The following LAMA1 variants were observed in gnomAD, a reference collection of about 807,000 sequenced individuals.
The protein encoded by LAMA1 is laminin subunit alpha-1.
A neutral mutation model predicts 348.7 loss-of-function variants in LAMA1; 219 were observed. The ratio of observed to expected loss-of-function variants is 0.63; its 90% CI spans 0.56 to 0.70. LAMA1 has a LOEUF of 0.70. Ranked by LOEUF, LAMA1 falls within the 30% of genes least tolerant of loss-of-function variation. The pLI is 0.00. For missense variants in LAMA1, 3,744 were observed against 3,888.0 expected, an observed-to-expected ratio of 0.96 and a Z score of 0.99; for synonymous variants, 1,487 against 1,491.0, an observed-to-expected ratio of 1.00 and a Z score of 0.06.
chr18:7,036,749 T>C lies in LAMA1; in HGVS notation c.1738-661A>G, dbSNP rs148381016. ...ATAATTTTCAAAAATAAATACTCCT[T>C]AAAAATATACAAAACAAGTTTTAAA... On this transcript the variant is annotated intron_variant, in intron 12 of 62. Transcript: ENST00000389658. Among the ~76,000 whole-genome samples, 3 of 152,254 alleles carry C rather than the reference T, an allele frequency of 2.0e-5. No individual in the cohort carries two copies. The East Asian group carries it at 5.8e-4, about 29-fold the overall frequency.
intron 22 of LAMA1, among the ~76,000 whole-genome samples, chr18:7,014,423 C>T (rs908933304): frequency 1.4e-4 from 21 of 152,214 alleles, no homozygotes; most frequent in African/African-American, 4.8e-4. Context: ...GAGTTTGAGA[C>T]CAGCCTGGAC....
At chr18:7,027,559 G>A (rs1274653413) in intron 16 of LAMA1, among the ~76,000 whole-genome samples, 2 of 142,356 alleles carry the variant, frequency 1.4e-5, no homozygotes, top group African/African-American at 5.8e-5. Flanking sequence ...AAAAAAAAGC[G>A]ATCCACAATC....
chr18:6,950,594 C>T (rs530749716), intron 58 of LAMA1, among the ~76,000 whole-genome samples, 188 bp downstream of exon 58: 1 of 152,300 alleles, frequency 6.6e-6, no homozygotes, highest in East Asian at 1.9e-4. Context: ...CTAAGCAAGG[C>T]CCTGGGGATA....
In LAMA1 at chr18:6,950,941, G is replaced by A. The variant is rs150815120; in HGVS notation, c.8238C>T (p.Phe2746=). ...TGTAGTAAATCAGGCCGCTGGAGGCGAACGTGCGGATGCTTAGCTCAACCG... is the reference window on the plus strand; with the variant it reads ...TGTAGTAAATCAGGCCGCTGGAGGCAAACGTGCGGATGCTTAGCTCAACCG... ...KLSVELSIRT[F]ASSGLIYYMA... is the part of the protein sequence containing the mutation. Residue 2746 remains phenylalanine, a synonymous_variant, in exon 58 of 63, where the codon TTC becomes TTT. Coordinates refer to ENST00000389658, the MANE Select transcript of LAMA1 (RefSeq NM_005559.4). 2.5e-5 allele frequency: 41 copies of A among 1,613,944 alleles called. No homozygotes were observed. Among genetic ancestry groups the A allele is most frequent in the African/African-American group, 2.1e-4 (16 of 74,932 alleles).
chr18:6,962,945 C>A (rs2057615062), intron 51 of LAMA1, among the ~76,000 whole-genome samples: 1 of 152,148 alleles, frequency 6.6e-6, no homozygotes, highest in African/African-American at 2.4e-5. Flanking sequence ...ATAATGTAGT[C>A]CAGCTCTAAT....
intron 1 of LAMA1, among the ~76,000 whole-genome samples, chr18:7,102,577 CGAT>C (rs1229139262): frequency 6.6e-6 from 1 of 152,166 alleles, no homozygotes; most frequent in Non-Finnish European, 1.5e-5. Context: ...TTTCTGTTGA[CGAT>C]GATACTATCC....
In LAMA1 at chr18:6,959,473, A is replaced by G. The variant is rs2057597269; in HGVS notation, c.7646T>C (p.Leu2549Pro). 1 of 1,614,092 alleles carries G rather than the reference A, an allele frequency of 6.2e-7. No individual in the cohort carries two copies. The highest frequency in any genetic ancestry group is 1.1e-5 in the South Asian group (1 of 91,088). Residue 2549 changes from leucine (L) to proline (P), a missense_variant, in exon 54 of 63, where the codon CTG becomes CCG. Around this residue, in one of 3 missense-constraint regions of LAMA1, gnomAD observed 1,983 missense variants for 1,934.3 expected, o/e 1.03. Transcript: ENST00000389658. ...EAHVPFFSVMLIGGNIEVHVN... is the reference protein window; with the variant it reads ...EAHVPFFSVMPIGGNIEVHVN... Reference sequence around the variant, plus strand: ...ATGTACCTCAATGTTGCCTCCGATCAGCATGACGGAAAAGAAGGGCTGGGG... The same window carrying G: ...ATGTACCTCAATGTTGCCTCCGATCGGCATGACGGAAAAGAAGGGCTGGGG...
intron 1 of LAMA1, among the ~76,000 whole-genome samples, chr18:7,100,058 C>CAAAAAAAAAAAAAAAA (rs3038921): frequency 3.8e-5 from 3 of 79,704 alleles, no homozygotes; most frequent in Admixed American, 1.5e-4. Flanking sequence ...GACTTTGTCT[C>CAAAAAAAAAAAAAAAA]AAAAAAAAAA....
At chr18:7,075,024 G>C (rs996407713) in intron 3 of LAMA1, among the ~76,000 whole-genome samples, 1 of 127,942 alleles carries the variant, frequency 7.8e-6, no homozygotes, top group Non-Finnish European at 1.6e-5. Flanking sequence ...TCTGACAGCT[G>C]TCATCAATTA....
rs1321068585 is a variant in LAMA1 at position 7,103,136 on chromosome 18, G to A, written c.61+14524C>T. Among the ~76,000 whole-genome samples, 5 of 152,192 alleles carry A rather than the reference G, an allele frequency of 3.3e-5. No homozygotes were observed. In the South Asian group the frequency reaches 6.2e-4, roughly 19 times the overall value. ...CTGGTTTAGAATGTGAGTGGAGGCC[G>A]GCCAGGCACGGTGGCTCACGCCTGT... is the stretch of plus-strand genomic sequence containing the variant. On this transcript the variant is annotated intron_variant, in intron 1 of 62. Transcript: ENST00000389658.
At chr18:6,995,554 T>C (rs2057777641) in intron 33 of LAMA1, 108 bp from the exon 34 acceptor site, 3 of 729,268 alleles carry the variant, frequency 4.1e-6, no homozygotes, top group Admixed American at 2.0e-5. Flanking sequence ...AAATTCTTCT[T>C]TCCTTGGAAC....
chr18:7,028,437 A>G (rs1438734085), intron 16 of LAMA1, among the ~76,000 whole-genome samples: 1 of 152,226 alleles, frequency 6.6e-6, no homozygotes, highest in Admixed American at 6.5e-5. Flanking sequence ...ATGACCACCA[A>G]CTAACTTCTC....
Position 7,034,619 on chromosome 18 carries a change from C to T in LAMA1, c.1911G>A (p.Val637=). ...SLQPYEEYLN[V]VRLVPENFQD... ...GGAAGTTTTCAGGCACAAGTCTAAC[C>T]ACGTTTAGGTACTCTTCATAAGGCT... The change falls in exon 14 of 63, where the codon GTG becomes GTA. Residue 637 remains valine (V), a synonymous_variant. Coordinates refer to ENST00000389658, the MANE Select transcript of LAMA1 (RefSeq NM_005559.4). 1 of 1,614,186 alleles carries T rather than the reference C, an allele frequency of 6.2e-7. No homozygotes were observed. Among genetic ancestry groups the T allele is most frequent in the Non-Finnish European group, 8.5e-7 (1 of 1,180,032 alleles).
Position 6,991,386 on chromosome 18 carries a change from CTTCT to C in LAMA1, c.5168+1171_5168+1174del, listed in dbSNP as rs1295969248. 5.8e-3 allele frequency among the ~76,000 whole-genome samples: 795 copies of C among 137,040 alleles called. 3 individuals are homozygous for C. The highest frequency in any genetic ancestry group is 0.019 in the African/African-American group (703 of 36,420). 89.9% of individuals were successfully genotyped at this position (137,040 alleles called of 152,430 possible). A position where few individuals can be genotyped will look rare whatever the true frequency, so the allele number is the denominator to read the frequency against. On this transcript the variant is annotated intron_variant, in intron 36 of 62. Coordinates refer to ENST00000389658, the MANE Select transcript of LAMA1 (RefSeq NM_005559.4). Reference sequence around the variant, plus strand: ...CTTTGACTAAATAATTCCACTTCTTCTTCTTTTTTTTTTTTTTTTTTTGAGACGG... The same window carrying C: ...CTTTGACTAAATAATTCCACTTCTTCTTTTTTTTTTTTTTTTTTGAGACGG...
intron 30 of LAMA1, among the ~76,000 whole-genome samples, chr18:7,000,498 G>C (rs1157869286): frequency 6.6e-6 from 1 of 152,204 alleles, no homozygotes; most frequent in Non-Finnish European, 1.5e-5. Flanking sequence ...ACTGGAGAAC[G>C]GATGCACCTA....
chr18:7,088,596 C>T (rs1205765726), intron 1 of LAMA1, among the ~76,000 whole-genome samples: 1 of 152,068 alleles, frequency 6.6e-6, no homozygotes, highest in Admixed American at 6.6e-5. Context: ...CAGCTCACTG[C>T]CACCTCGAAC....
intron 36 of LAMA1, among the ~76,000 whole-genome samples, chr18:6,990,734 C>T (rs187417721): frequency 1.3e-5 from 2 of 152,232 alleles, no homozygotes; most frequent in East Asian, 1.9e-4. Flanking sequence ...CTGAAAGGCC[C>T]TCGATGTCTC....
intron 29 of LAMA1, among the ~76,000 whole-genome samples, chr18:7,006,139 C>T (rs1210438138): frequency 6.6e-6 from 1 of 152,098 alleles, no homozygotes; most frequent in Non-Finnish European, 1.5e-5. Flanking sequence ...GAGTAGGAAA[C>T]GAATATCACA....
chr18:6,999,383 TTC>T (rs1392175167), intron 32 of LAMA1, 60 bp downstream of exon 32: 1 of 1,563,044 alleles, frequency 6.4e-7, no homozygotes, highest in Non-Finnish European at 8.8e-7. Context: ...CCGTCACCAC[TTC>T]TTTCCCGACA....
Sources: allele counts gnomAD v4.1 joint callset (sites outside exome capture counted in the v4.1 genomes callset), GRCh38; gene constraint gnomAD v4.1.1; regional missense constraint gnomAD v4.1.1; transcripts MANE v1.5; gene names NCBI Gene and HGNC (gene_info 2026-07-23, HGNC 2026-07-21).